The following NFXL1 variants were observed in gnomAD, a reference collection of about 807,000 sequenced individuals.
NFXL1 encodes the protein nuclear transcription factor, X-box binding like 1.
NFXL1 carries 66 observed loss-of-function variants against 123.3 expected under a neutral mutation model. That is an observed-to-expected ratio of 0.54 (90% CI 0.44 to 0.66). The LOEUF is 0.66. Among genes scored for constraint, NFXL1 ranks in the 30% least tolerant of loss-of-function variants. The probability of loss-of-function intolerance (pLI) is 0.00; values close to 1 mark genes in which losing one functional copy is unlikely to be tolerated. For missense variants in NFXL1, 944 were observed against 1,125.6 expected (o/e 0.84, Z 2.31); for synonymous variants, 346 against 360.8 (o/e 0.96, Z 0.46).
In NFXL1 at chr4:47,914,221, A is replaced by T; in HGVS notation, c.-2-16T>A. 6.9e-7 allele frequency: 1 copy of T among 1,454,284 alleles called. No homozygotes were observed. Among genetic ancestry groups the T allele is most frequent in the Non-Finnish European group, 9.1e-7 (1 of 1,101,754 alleles). 90.1% of individuals were successfully genotyped at this position (1,454,284 alleles called of 1,614,324 possible). On this transcript the variant is annotated splice_polypyrimidine_tract_variant and intron_variant, in intron 1 of 22. Transcript: ENST00000507489. ...GCTTCCATCCCTGCAAAGGAGAAAA[A>T]AAAAAAAAAGAGTGGAAGGAGGTGA...
At chr4:47,848,489 C>T (rs148368748) in intron 22 of NFXL1, among the ~76,000 whole-genome samples, 153 bp from the exon 23 acceptor site, 58 of 152,316 alleles carry the variant, frequency 3.8e-4, no homozygotes, top group African/African-American at 1.4e-3. Flanking sequence ...CTCTCCACTA[C>T]TGATTGTATT....
At chr4:47,874,740 G>A (rs1214070458) in intron 18 of NFXL1, among the ~76,000 whole-genome samples, 1 of 152,080 alleles carries the variant, frequency 6.6e-6, no homozygotes, top group Admixed American at 6.6e-5. Flanking sequence ...CTCAGTATCT[G>A]CCAAGTACAA....
At chr4:47,855,289 T>C in intron 19 of NFXL1, 126 bp from the exon 20 acceptor site, 1 of 409,388 alleles carries the variant, frequency 2.4e-6, no homozygotes, top group South Asian at 4.9e-5. Context: ...GCTAATGGGA[T>C]AATTTGTAAA....
intron 18 of NFXL1, among the ~76,000 whole-genome samples, chr4:47,863,374 T>C (rs549136156): frequency 2.0e-5 from 3 of 152,200 alleles, no homozygotes; most frequent in Non-Finnish European, 4.4e-5. Context: ...GGGTAAGCTA[T>C]TAATATTAGA....
At chr4:47,850,155 T>C (rs901298348) in intron 22 of NFXL1, among the ~76,000 whole-genome samples, 2 of 152,078 alleles carry the variant, frequency 1.3e-5, no homozygotes, top group African/African-American at 4.8e-5. Context: ...TAAACTATTC[T>C]TAATAACTTA....
intron 4 of NFXL1, among the ~76,000 whole-genome samples, chr4:47,904,255 G>A (rs768762069): frequency 1.2e-4 from 18 of 152,230 alleles, no homozygotes; most frequent in Non-Finnish European, 1.8e-4. Context: ...AGCCCCACTC[G>A]CTAATGGAAA....
intron 19 of NFXL1, among the ~76,000 whole-genome samples, chr4:47,861,696 A>T (rs1359947443): frequency 6.6e-6 from 1 of 152,216 alleles, no homozygotes; most frequent in African/African-American, 2.4e-5. Context: ...CCCATGCCCT[A>T]GTTTCACTTA....
chr4:47,857,459 C>A (rs897784828), intron 19 of NFXL1, among the ~76,000 whole-genome samples: 1 of 152,108 alleles, frequency 6.6e-6, no homozygotes, highest in Non-Finnish European at 1.5e-5. Flanking sequence ...TATTCTGTTG[C>A]GCTGGGGGTT....
At chr4:47,888,821 T>C (rs1440228) in intron 12 of NFXL1, among the ~76,000 whole-genome samples, 51,857 of 152,052 alleles carry the variant, frequency 0.34, 9,254 homozygotes, top group East Asian at 0.59. Context: ...TTACAACATG[T>C]CAATTTTATT....
intron 5 of NFXL1, among the ~76,000 whole-genome samples, chr4:47,900,554 C>A (rs1340221538): frequency 6.6e-6 from 1 of 152,108 alleles, no homozygotes; most frequent in Non-Finnish European, 1.5e-5. Flanking sequence ...AAGAAAAGTT[C>A]AAATACCATG....
At chr4:47,888,736 C>G (rs894802314) in intron 12 of NFXL1, among the ~76,000 whole-genome samples, 5 of 151,580 alleles carry the variant, frequency 3.3e-5, no homozygotes, top group Non-Finnish European at 7.4e-5. Flanking sequence ...GTTTCTTCAA[C>G]AAATAAGTCA....
At chr4:47,855,427 T>C (rs754992455) in intron 19 of NFXL1, among the ~76,000 whole-genome samples, 2 of 152,072 alleles carry the variant, frequency 1.3e-5, no homozygotes, top group Non-Finnish European at 2.9e-5. Flanking sequence ...GCCACCCTTG[T>C]AGCTAGTTAT....
intron 12 of NFXL1, among the ~76,000 whole-genome samples, chr4:47,889,848 T>G (rs764023568): frequency 6.6e-6 from 1 of 152,162 alleles, no homozygotes; most frequent in Non-Finnish European, 1.5e-5. Context: ...ACATGCATAG[T>G]TTTCCAGAAG....
chr4:47,872,086 GT>G (rs1018613820), intron 18 of NFXL1, among the ~76,000 whole-genome samples: 2 of 152,100 alleles, frequency 1.3e-5, no homozygotes, highest in African/African-American at 4.8e-5. Flanking sequence ...AAACATACTG[GT>G]TTGGTCATAT....
At chr4:47,899,311 C>A in intron 6 of NFXL1, 59 bp downstream of exon 6, 1 of 1,405,286 alleles carries the variant, frequency 7.1e-7, no homozygotes. Context: ...TTTTTTTTTG[C>A]CTCAATATAA....
chr4:47,892,930 C>T (rs926175341), intron 11 of NFXL1, among the ~76,000 whole-genome samples: 2 of 152,010 alleles, frequency 1.3e-5, no homozygotes, highest in South Asian at 2.1e-4. Flanking sequence ...AGAATTAGTA[C>T]ACAGGGATAT....
intron 19 of NFXL1, among the ~76,000 whole-genome samples, chr4:47,860,133 T>C (rs1206073530): frequency 6.6e-6 from 1 of 152,146 alleles, no homozygotes; most frequent in Non-Finnish European, 1.5e-5. Flanking sequence ...ATTTTAAGTG[T>C]TCTCACCATA....
intron 15 of NFXL1, among the ~76,000 whole-genome samples, chr4:47,883,254 C>CA (rs1427695808): frequency 3.3e-4 from 49 of 148,556 alleles, no homozygotes; most frequent in Middle Eastern, 3.4e-3. Flanking sequence ...GAAAAAAAAA[C>CA]AAAAAAAAAC....
Position 47,848,167 on chromosome 4 carries a change from T to A in NFXL1, c.2732A>T (p.Asn911Ile), listed in dbSNP as rs775580487. 5.8e-6 allele frequency: 9 copies of A among 1,549,940 alleles called. No homozygotes were observed. The South Asian group carries it at 1.1e-4, about 19-fold the overall frequency. ...VFAWYITHDV[N>I] Reference sequence around the variant, plus strand: ...ATTAAAAGATCAAAACTTTTTTTAATTGACATCATGGGTGATGTACCAGGC... The same window carrying A: ...ATTAAAAGATCAAAACTTTTTTTAAATGACATCATGGGTGATGTACCAGGC... Residue 911 changes from asparagine to isoleucine, a missense_variant, in exon 23 of 23, where the codon AAT (asparagine) becomes ATT (isoleucine). Asn to Ile is a moderately radical substitution (Grantham distance 149, BLOSUM62 -3). Around this residue, in one of 4 missense-constraint regions of NFXL1, gnomAD observed 301 missense variants for 348.0 expected, o/e 0.86. Transcript: ENST00000507489.
Sources: gnomAD v4.1 joint callset for allele counts (sites outside exome capture counted in the v4.1 genomes callset) on GRCh38, gnomAD v4.1.1 for gene constraint, gnomAD v4.1.1 regional missense constraint, MANE v1.5 for transcripts, NCBI Gene and HGNC (gene_info 2026-07-23, HGNC 2026-07-21) for gene names.